Variants in DCAF6 observed in about 807,000 individuals in gnomAD.
DCAF6 encodes DDB1- and CUL4-associated factor 6.
Under a neutral mutation model 125.1 loss-of-function variants are expected in DCAF6, and 54 were observed. The ratio of observed to expected loss-of-function variants is 0.43; its 90% CI spans 0.35 to 0.54. DCAF6 has a LOEUF of 0.54. DCAF6 is among the 20% of genes least tolerant of loss of function. The probability of loss-of-function intolerance (pLI) is 0.01; values close to 1 mark genes in which losing one functional copy is unlikely to be tolerated. For missense variants in DCAF6, 934 were observed against 1,161.7 expected (o/e 0.80, Z 2.85); for synonymous variants, 371 against 390.4 (o/e 0.95, Z 0.58).
At chr1:167,864,408 A>G in the DCAF6 span, among the ~76,000 whole-genome samples, 4 of 152,208 alleles carry the variant, frequency 2.6e-5, no homozygotes, top group African/African-American at 4.8e-5. Flanking sequence ...TGGCCATCAG[A>G]AGGAAGCCTA....
the DCAF6 span, among the ~76,000 whole-genome samples, chr1:167,911,178 T>C: frequency 6.6e-6 from 1 of 152,158 alleles, no homozygotes; most frequent in Non-Finnish European, 1.5e-5. Flanking sequence ...TTAGGAAGTG[T>C]TGAATAGCTA....
At chr1:167,894,047 T>C in the DCAF6 span, 1 of 772,534 alleles carries the variant, frequency 1.3e-6, no homozygotes, top group Non-Finnish European at 2.3e-6. Context: ...TGGGCCTTCT[T>C]GTCCTTACAG....
intron 7 of DCAF6, among the ~76,000 whole-genome samples, chr1:168,001,970 A>G (rs999793842): frequency 1.3e-5 from 2 of 152,314 alleles, no homozygotes; most frequent in East Asian, 1.9e-4. Flanking sequence ...GCAGGATGGA[A>G]TAGATAGCCT....
chr1:168,016,900 A>G (rs1685048909), intron 11 of DCAF6, among the ~76,000 whole-genome samples: 1 of 151,978 alleles, frequency 6.6e-6, no homozygotes, highest in Non-Finnish European at 1.5e-5. Flanking sequence ...GAGAGTTCTA[A>G]TTTGATTATT....
chr1:167,980,092 A>T (rs968935819), intron 4 of DCAF6, among the ~76,000 whole-genome samples: 2 of 152,068 alleles, frequency 1.3e-5, no homozygotes, highest in African/African-American at 4.8e-5. Flanking sequence ...GAGGCAGGAG[A>T]ATCACTTGAA....
chr1:167,876,015 G>A, the DCAF6 span, among the ~76,000 whole-genome samples: 2 of 152,148 alleles, frequency 1.3e-5, no homozygotes, highest in Non-Finnish European at 2.9e-5. Flanking sequence ...CCAGCATTTT[G>A]GGAGGCCGAG....
the DCAF6 span, among the ~76,000 whole-genome samples, chr1:167,921,622 C>T: frequency 6.6e-6 from 1 of 152,088 alleles, no homozygotes; most frequent in Non-Finnish European, 1.5e-5. Context: ...TTTTTGCTCC[C>T]ACCAGATGAG....
At chr1:168,024,754 A>T (rs969656549) in intron 12 of DCAF6, among the ~76,000 whole-genome samples, 2 of 150,018 alleles carry the variant, frequency 1.3e-5, no homozygotes, top group African/African-American at 4.9e-5. Flanking sequence ...CAGTGAGCCG[A>T]GATTGCGCCA....
chr1:168,075,434 A>G lies in DCAF6; in HGVS notation c.2855A>G (p.Ter952=). 1 of 1,595,820 alleles carries G rather than the reference A, an allele frequency of 6.3e-7. No individual in the cohort carries two copies. Among genetic ancestry groups the G allele is most frequent in the Non-Finnish European group, 8.5e-7 (1 of 1,175,002 alleles). ...GQENENEDEE[*] is the part of the protein sequence containing the mutation. Reference sequence around the variant, plus strand: ...GAGAATGAAAATGAGGATGAGGAATAATAAACTCTTTTTGGCAAGCACTTA... The same window carrying G: ...GAGAATGAAAATGAGGATGAGGAATGATAAACTCTTTTTGGCAAGCACTTA... The change falls in exon 22 of 22, where the codon TAA becomes TGA. Residue 952 remains the stop codon, a stop_retained_variant. Coordinates refer to ENST00000367840, the MANE Select transcript of DCAF6 (RefSeq NM_001198956.2).
the DCAF6 span, chr1:167,905,109 C>A: frequency 1.9e-6 from 3 of 1,614,144 alleles, no homozygotes; most frequent in East Asian, 6.7e-5. Context: ...GACTATGGGC[C>A]AGTCCTGGAA....
the DCAF6 span, among the ~76,000 whole-genome samples, chr1:167,930,103 G>A: frequency 6.6e-6 from 1 of 152,144 alleles, no homozygotes; most frequent in South Asian, 2.1e-4. Flanking sequence ...CTAAGAACAT[G>A]ACTAAGCTAC....
At chr1:167,875,255 G>C in the DCAF6 span, 77 of 1,492,224 alleles carry the variant, frequency 5.2e-5, no homozygotes, top group Middle Eastern at 1.7e-4. Context: ...AGAGTGATTA[G>C]TTCTTAGTTC....
intron 3 of DCAF6, among the ~76,000 whole-genome samples, chr1:167,969,810 TC>T: frequency 6.6e-6 from 1 of 152,366 alleles, no homozygotes; most frequent in African/African-American, 2.4e-5. Context: ...AGAGTCTTGC[TC>T]TGTTGCCCAG....
intron 1 of DCAF6, among the ~76,000 whole-genome samples, chr1:167,947,573 A>T (rs1443949111): frequency 1.3e-5 from 2 of 151,650 alleles, no homozygotes; most frequent in African/African-American, 4.8e-5. Context: ...TTACATTTTC[A>T]TTTGTTTCAA....
intron 1 of DCAF6, among the ~76,000 whole-genome samples, chr1:167,947,639 G>T (rs1349876097): frequency 6.6e-6 from 1 of 151,958 alleles, no homozygotes; most frequent in Admixed American, 6.6e-5. Context: ...TGTCATTCAG[G>T]AGCATGTTGT....
At chr1:168,038,645 G>C (rs1394239758) in intron 13 of DCAF6, among the ~76,000 whole-genome samples, 157 bp downstream of exon 13, 1 of 152,058 alleles carries the variant, frequency 6.6e-6, no homozygotes, top group Non-Finnish European at 1.5e-5. Context: ...AGCTTGTTAA[G>C]ATGCATATTA....
At chr1:168,055,622 T>A (rs1690598126) in intron 17 of DCAF6, among the ~76,000 whole-genome samples, 2 of 95,936 alleles carry the variant, frequency 2.1e-5, no homozygotes, top group Middle Eastern at 8.4e-3. Context: ...ATTATGTAAT[T>A]TTTATAACTA....
the DCAF6 span, among the ~76,000 whole-genome samples, chr1:167,912,908 G>A: frequency 6.6e-6 from 1 of 152,196 alleles, no homozygotes; most frequent in Non-Finnish European, 1.5e-5. Context: ...CTTGCTCTGG[G>A]TTATAAAGCT....
chr1:167,934,064 T>A (rs1670989530), upstream of DCAF6, among the ~76,000 whole-genome samples: 1 of 152,182 alleles, frequency 6.6e-6, no homozygotes, highest in Non-Finnish European at 1.5e-5. Flanking sequence ...CTAGCTCCTT[T>A]TACTACACTG....
Sources: gnomAD v4.1 joint callset for allele counts (sites outside exome capture counted in the v4.1 genomes callset) on GRCh38, gnomAD v4.1.1 for gene constraint, MANE v1.5 for transcripts, NCBI Gene and HGNC (gene_info 2026-07-23, HGNC 2026-07-21) for gene names.